The following CWF19L1 variants were observed in gnomAD, a reference collection of about 807,000 sequenced individuals.
CWF19L1 encodes the protein CWF19 like cell cycle control factor 1, also known as CWF19-like protein 1.
A neutral mutation model predicts 69.7 loss-of-function variants in CWF19L1; 60 were observed. The observed-to-expected ratio is 0.86, with a 90% confidence interval of 0.70 to 1.07. CWF19L1 has a LOEUF of 1.07. Among genes scored for constraint, CWF19L1 ranks in the 50% least tolerant of loss-of-function variants. The probability of loss-of-function intolerance (pLI) is 0.00; values close to 1 mark genes in which losing one functional copy is unlikely to be tolerated. For missense variants in CWF19L1, 591 were observed against 638.9 expected, an observed-to-expected ratio of 0.92 and a Z score of 0.81; for synonymous variants, 209 against 222.2, an observed-to-expected ratio of 0.94 and a Z score of 0.53.
rs79323618 is a variant in CWF19L1, at chr10:100,246,974, C to G, written c.709-39G>C. 148 of 1,517,880 alleles carry G rather than the reference C, an allele frequency of 9.8e-5. No homozygotes were observed. In the African/African-American group the frequency reaches 1.6e-3, roughly 17 times the overall value. The allele number at this position is 1,517,880 out of a possible 1,614,324, so 94.0% of individuals were successfully genotyped here. A position where few individuals can be genotyped will look rare whatever the true frequency, so the allele number is the denominator to read the frequency against. ...GAACATAATGACATTAGGGGAAATA[C>G]TATTTACCCAACTGTAATCAACCTA... On this transcript the variant is annotated intron_variant, in intron 7 of 13. Coordinates refer to ENST00000354105, the MANE Select transcript of CWF19L1 (RefSeq NM_018294.6).
At chr10:100,237,135 A>C in intron 11 of CWF19L1, 166 bp from the exon 12 acceptor site, 1 of 855,004 alleles carries the variant, frequency 1.2e-6, no homozygotes, top group Non-Finnish European at 2.0e-6. Flanking sequence ...GTAAGGACTT[A>C]AACTTATGAG....
At chr10:100,253,978 A>C (rs956345983) in intron 5 of CWF19L1, 3 of 152,942 alleles carry the variant, frequency 2.0e-5, no homozygotes, top group African/African-American at 7.2e-5. Flanking sequence ...CCTGGGTTCA[A>C]GAAGTGATTC....
chr10:100,242,479 G>C (rs1461611104), intron 10 of CWF19L1, among the ~76,000 whole-genome samples: 1 of 152,156 alleles, frequency 6.6e-6, no homozygotes, highest in Non-Finnish European at 1.5e-5. Context: ...TTTGAGACCA[G>C]CCTGGCCAGC....
chr10:100,252,861 T>A (rs1391122942), intron 6 of CWF19L1, among the ~76,000 whole-genome samples: 1 of 151,172 alleles, frequency 6.6e-6, no homozygotes, highest in Non-Finnish European at 1.5e-5. Flanking sequence ...CAAAAAAAAA[T>A]TTTTTAAATT....
At position 100,264,471 on chromosome 10, in the gene CWF19L1, C is replaced by T. The variant is rs539200372; in HGVS notation, c.24-2408G>A. Among the ~76,000 whole-genome samples, 52 of 151,010 alleles carry T rather than the reference C, an allele frequency of 3.4e-4. 1 individual carries two copies. Among genetic ancestry groups the T allele is most frequent in the African/African-American group, 1.1e-3 (44 of 41,118 alleles). On this transcript the variant is annotated intron_variant, in intron 1 of 13. Transcript: ENST00000354105. ...GAGGCGGGAGAATAGCATGAACCCA[C>T]GAGGCAGAGCTTGCAGTGAGCTGAG...
At chr10:100,238,277 G>A in intron 10 of CWF19L1, 46 bp from the exon 11 acceptor site, 3 of 1,565,916 alleles carry the variant, frequency 1.9e-6, no homozygotes, top group Non-Finnish European at 1.8e-6. Flanking sequence ...CAGCATGTAG[G>A]ATTCTCCAGG....
Position 100,233,075 on chromosome 10 carries a change from G to T in CWF19L1, c.*152C>A. 1 of 660,464 alleles carries T rather than the reference G, an allele frequency of 1.5e-6. No homozygotes were observed. Among genetic ancestry groups the T allele is most frequent in the Non-Finnish European group, 2.4e-6 (1 of 423,778 alleles). 40.9% of individuals were successfully genotyped at this position (660,464 alleles called of 1,614,324 possible). ...AGGTGGGAGGAACTCTAGAGCCCAG[G>T]AGGTTGAGGCTACAGTGAGCCACAG... On this transcript the variant is annotated 3_prime_UTR_variant, in exon 14 of 14. Coordinates refer to ENST00000354105, the MANE Select transcript of CWF19L1 (RefSeq NM_018294.6).
chr10:100,251,791 G>A (rs539047613), intron 6 of CWF19L1, among the ~76,000 whole-genome samples: 2 of 152,242 alleles, frequency 1.3e-5, no homozygotes, highest in Admixed American at 6.5e-5. Context: ...GATTACAGGC[G>A]TGAGCCACCA....
At chr10:100,262,382 C>CAT (rs1847435020) in intron 1 of CWF19L1, 1 of 985,236 alleles carries the variant, frequency 1.0e-6, no homozygotes, top group Non-Finnish European at 1.2e-6. Flanking sequence ...GTCACCAAGT[C>CAT]CCATCAATCC....
intron 7 of CWF19L1, among the ~76,000 whole-genome samples, chr10:100,249,749 T>C (rs181063765): frequency 3.8e-4 from 58 of 152,274 alleles, no homozygotes; most frequent in Non-Finnish European, 6.6e-4. Context: ...CACACCTGGC[T>C]AATTTTTTTT....
At position 100,263,751 on chromosome 10, in the gene CWF19L1, T is replaced by G. The variant is rs77341303; in HGVS notation, c.24-1688A>C. Among the ~76,000 whole-genome samples the G allele has an allele frequency of 7.0e-3, 1,063 of 152,312 alleles. 13 individuals are homozygous for G. Among genetic ancestry groups the G allele is most frequent in the African/African-American group, 0.024 (1,017 of 41,564 alleles). The stretch of plus-strand genomic sequence containing the variant: ...CCCAACAAGGCCAGCTCCTTTTCAC[T>G]CACAATTAAACCATCACAAGCCTTG... On this transcript the variant is annotated intron_variant, in intron 1 of 13. Transcript: ENST00000354105.
chr10:100,260,076 G>A (rs1847346485), intron 4 of CWF19L1, 142 bp downstream of exon 4: 2 of 572,074 alleles, frequency 3.5e-6, no homozygotes, highest in Non-Finnish European at 3.1e-6. Context: ...GCTGAGGCAG[G>A]AGAATCACTT....
intron 7 of CWF19L1, among the ~76,000 whole-genome samples, chr10:100,249,413 C>T (rs1299087850): frequency 6.6e-6 from 1 of 152,110 alleles, no homozygotes; most frequent in Non-Finnish European, 1.5e-5. Flanking sequence ...TTAGTTTTGG[C>T]CCTGGGAAAT....
At chr10:100,266,615 A>C (rs932746630) in intron 1 of CWF19L1, among the ~76,000 whole-genome samples, 2 of 151,148 alleles carry the variant, frequency 1.3e-5, no homozygotes, top group African/African-American at 4.9e-5. Flanking sequence ...CTCCGGGTTC[A>C]AGCGATTCTC....
intron 10 of CWF19L1, among the ~76,000 whole-genome samples, chr10:100,241,684 G>C (rs1846644994): frequency 6.6e-6 from 1 of 152,228 alleles, no homozygotes; most frequent in African/African-American, 2.4e-5. Context: ...CTGGCACCTG[G>C]CAATGGCCTT....
intron 13 of CWF19L1, among the ~76,000 whole-genome samples, chr10:100,234,282 T>C (rs970656724): frequency 2.4e-4 from 36 of 152,202 alleles, no homozygotes; most frequent in Admixed American, 7.9e-4. Flanking sequence ...CTACCTTTCT[T>C]GTACAGCTGA....
intron 11 of CWF19L1, 111 bp from the exon 12 acceptor site, chr10:100,237,080 A>G: frequency 7.9e-7 from 1 of 1,259,512 alleles, no homozygotes; most frequent in Non-Finnish European, 1.1e-6. Context: ...AACACCCCTC[A>G]GCACAGAATA....
At chr10:100,247,057 C>A in intron 7 of CWF19L1, 122 bp from the exon 8 acceptor site, 1 of 867,492 alleles carries the variant, frequency 1.2e-6, no homozygotes. Flanking sequence ...AAAAGAACAG[C>A]AACCAGCCCA....
intron 7 of CWF19L1, chr10:100,248,579 C>A: frequency 2.7e-6 from 2 of 734,954 alleles, no homozygotes; most frequent in Non-Finnish European, 5.0e-6. Context: ...CGCATCTTGA[C>A]CAGCATTGAA....
Sources: allele counts gnomAD v4.1 joint callset (sites outside exome capture counted in the v4.1 genomes callset), GRCh38; gene constraint gnomAD v4.1.1; transcripts MANE v1.5; gene names NCBI Gene and HGNC (gene_info 2026-07-23, HGNC 2026-07-21).